PLXNB2: variants seen among roughly 807,000 people sequenced by gnomAD.
PLXNB2 encodes plexin-B2.
PLXNB2 carries 85 observed loss-of-function variants against 202.6 expected under a neutral mutation model. The ratio of observed to expected loss-of-function variants is 0.42; its 90% CI spans 0.35 to 0.50. PLXNB2 has a LOEUF of 0.50. Among genes scored for constraint, PLXNB2 ranks in the 20% least tolerant of loss-of-function variants. PLXNB2 has a pLI of 0.02. For missense variants in PLXNB2, 2,063 were observed against 2,586.2 expected (o/e 0.80, Z 4.39); for synonymous variants, 1,239 against 1,137.6 (o/e 1.09, Z -1.79).
chr22:50,280,100 G>A (rs2065882471), intron 25 of PLXNB2, 29 bp from the exon 26 acceptor site: 1 of 1,557,482 alleles, frequency 6.4e-7, no homozygotes, highest in East Asian at 2.2e-5. Flanking sequence ...CTTGTACCGA[G>A]TGACCCCGTA....
In PLXNB2 at chr22:50,286,026, C is replaced by A. The variant is rs1191705083; in HGVS notation, c.1950G>T (p.Ser650=). 1 of 1,612,274 alleles carries A rather than the reference C, an allele frequency of 6.2e-7. No individual in the cohort carries two copies. The highest frequency in any genetic ancestry group is 1.3e-5 in the African/African-American group (1 of 74,952). ...GGACGATGCCGTCCTCAGGGTTGGGCGAAGCCTCCCGGCACTCGTGGTAGC... is the reference window on the plus strand; with the variant it reads ...GGACGATGCCGTCCTCAGGGTTGGGAGAAGCCTCCCGGCACTCGTGGTAGC... ...DLRYHECREA[S]PNPEDGIVRA... Residue 650 remains serine, a synonymous_variant, in exon 10 of 37, where the codon TCG becomes TCT. Transcript: ENST00000359337.
chr22:50,279,810 G>A, intron 26 of PLXNB2, 34 bp from the exon 27 acceptor site: 1 of 1,611,814 alleles, frequency 6.2e-7, no homozygotes, highest in East Asian at 2.2e-5. Flanking sequence ...TGGGAGGTCA[G>A]GGGACTTGGG....
chr22:50,279,895 T>C, intron 26 of PLXNB2, 110 bp downstream of exon 26: 1 of 1,429,680 alleles, frequency 7.0e-7, no homozygotes, highest in Non-Finnish European at 9.7e-7. Flanking sequence ...GAAGCAAACC[T>C]GTCCAGGCAG....
chr22:50,276,430 T>TGTGGGCAC (rs1555917018), intron 35 of PLXNB2, among the ~76,000 whole-genome samples, 199 bp downstream of exon 35: 21 of 3,488 alleles, frequency 6.0e-3, no homozygotes, highest in Admixed American at 9.9e-3. Context: ...GGGCAGGGCC[T>TGTGGGCAC]GGCTCCAAGC....
intron 1 of PLXNB2, among the ~76,000 whole-genome samples, chr22:50,295,615 C>A (rs1363663600): frequency 6.6e-6 from 1 of 152,110 alleles, no homozygotes; most frequent in African/African-American, 2.4e-5. Flanking sequence ...AGGCACAGAC[C>A]CAGGGTGCTT....
rs549280202 is a variant in PLXNB2, at chr22:50,288,475, A to G, written c.1380+268T>C. Among the ~76,000 whole-genome samples, 1 of 152,276 alleles carries G rather than the reference A, an allele frequency of 6.6e-6. No homozygotes were observed. The highest frequency in any genetic ancestry group is 1.5e-5 in the Non-Finnish European group (1 of 68,004). On this transcript the variant is annotated intron_variant, in intron 5 of 36. Transcript: ENST00000359337. This position sits in a 1 kb window ranked among gnomAD's most constrained non-coding sequence, Gnocchi z 5.0. ...CAACCCAGGTCCCTTCCATCAGGAC[A>G]GGGCAGAGGCGGGGCCAGAGGGAGA...
At chr22:50,294,801 C>T (rs1415611735) in intron 1 of PLXNB2, 23 bp from the exon 2 acceptor site, 8 of 982,254 alleles carry the variant, frequency 8.1e-6, no homozygotes, top group African/African-American at 1.7e-5. Context: ...GGAGAGACGC[C>T]GGTCACAAGA....
At chr22:50,299,825 G>C (rs1445212589) in intron 1 of PLXNB2, among the ~76,000 whole-genome samples, 1 of 152,166 alleles carries the variant, frequency 6.6e-6, no homozygotes, top group Non-Finnish European at 1.5e-5. Flanking sequence ...CTGCGAGCCC[G>C]GTACCCGGCC....
chr22:50,288,029 C>T lies in PLXNB2; in HGVS notation c.1389G>A (p.Arg463=). The change falls in exon 6 of 37, where the codon CGG becomes CGA. Residue 463 remains arginine (R), a synonymous_variant. Coordinates refer to ENST00000359337, the MANE Select transcript of PLXNB2 (RefSeq NM_012401.4). This position sits in a 1 kb window ranked among gnomAD's most constrained non-coding sequence, Gnocchi z 5.0. ...LYAMTQDKVF[R]LPVQECLSYP... is the part of the protein sequence containing the mutation. ...AGCTCAGGCACTCCTGCACCGGCAGCCGGAACACCTAGGGCAGCGGGGCCG... is the reference window on the plus strand; with the variant it reads ...AGCTCAGGCACTCCTGCACCGGCAGTCGGAACACCTAGGGCAGCGGGGCCG... 6.4e-7 allele frequency: 1 copy of T among 1,558,766 alleles called. No individual in the cohort carries two copies. Among genetic ancestry groups the T allele is most frequent in the Non-Finnish European group, 8.7e-7 (1 of 1,151,962 alleles).
At chr22:50,277,443 C>A in intron 33 of PLXNB2, 148 bp downstream of exon 33, 1 of 794,250 alleles carries the variant, frequency 1.3e-6, no homozygotes. Flanking sequence ...CCCTGTGCCC[C>A]CAGCCTCCGC....
Position 50,278,162 on chromosome 22 carries a change from C to A in PLXNB2, c.4842G>T (p.Thr1614=), listed in dbSNP as rs765625516. The A allele has an allele frequency of 6.3e-7, 1 of 1,597,218 alleles. No individual in the cohort carries two copies. Among genetic ancestry groups the A allele is most frequent in the Admixed American group, 1.7e-5 (1 of 59,544 alleles). ...KRGSVKEKER[T]KAITEIYLTR... is the part of the protein sequence containing the mutation. ...TCAGGTAGATCTCGGTGATGGCCTT[C>A]GTCCGCTCCTTCTCTTTCACGCTGC... The change falls in exon 31 of 37, where the codon ACG becomes ACT. Residue 1614 remains threonine (T), a synonymous_variant. Coordinates refer to ENST00000359337, the MANE Select transcript of PLXNB2 (RefSeq NM_012401.4).
chr22:50,291,443 G>C lies in PLXNB2; in HGVS notation c.-13-846C>G, dbSNP rs2066862107. ...CTGAGCACGTCTCGGTGTGGGGTCT[G>C]TGCCTGGGTCCGGGTGGATGAGGGG... On this transcript the variant is annotated intron_variant, in intron 2 of 36. Coordinates refer to ENST00000359337, the MANE Select transcript of PLXNB2 (RefSeq NM_012401.4). The surrounding 1 kb of genome is among the most constrained non-coding windows in gnomAD (Gnocchi z 4.3). Among the ~76,000 whole-genome samples the C allele has an allele frequency of 6.6e-6, 1 of 152,138 alleles. No individual in the cohort carries two copies. The highest frequency in any genetic ancestry group is 2.4e-5 in the African/African-American group (1 of 41,422).
At position 50,301,838 on chromosome 22, in the gene PLXNB2, C is replaced by T. The variant is rs116198533; in HGVS notation, c.-74+5715G>A. 5.7e-3 allele frequency among the ~76,000 whole-genome samples: 869 copies of T among 152,380 alleles called. 7 individuals are homozygous for T. The highest frequency in any genetic ancestry group is 0.02 in the African/African-American group (830 of 41,592). On this transcript the variant is annotated intron_variant, in intron 1 of 36. Coordinates refer to ENST00000359337, the MANE Select transcript of PLXNB2 (RefSeq NM_012401.4). ...ACCCCAGCCCCGCCTCGCCCATCACCGCTGAACCCCACAATTAGCTTGGGG... is the reference window on the plus strand; with the variant it reads ...ACCCCAGCCCCGCCTCGCCCATCACTGCTGAACCCCACAATTAGCTTGGGG...
rs372277755 is a variant in PLXNB2 at position 50,284,740 on chromosome 22, C to T, written c.2089-75G>A. The T allele has an allele frequency of 9.1e-7, 1 of 1,097,936 alleles. No homozygotes were observed. The allele number at this position is 1,097,936 out of a possible 1,614,324, so 68.0% of individuals were successfully genotyped here. A position where few individuals can be genotyped will look rare whatever the true frequency, so the allele number is the denominator to read the frequency against. ...CCCTCCTCCCAGAACCCCTGCAGCC[C>T]CTCCTCTGTGCCTACAGTGTGGGAG... On this transcript the variant is annotated intron_variant, in intron 11 of 36. Transcript: ENST00000359337. The surrounding 1 kb of genome is among the most constrained non-coding windows in gnomAD (Gnocchi z 8.0).
rs2066850214 is a variant in PLXNB2, at chr22:50,291,265, T to C, written c.-13-668A>G. Among the ~76,000 whole-genome samples the C allele has an allele frequency of 6.6e-6, 1 of 152,134 alleles. No homozygotes were observed. The highest frequency in any genetic ancestry group is 1.5e-5 in the Non-Finnish European group (1 of 68,006). ...CACCCACAGCTCCTCGCTCGGCCCA[T>C]GTCACGCCCAGGGCACAGCCTCTGA... is the stretch of plus-strand genomic sequence containing the variant. On this transcript the variant is annotated intron_variant, in intron 2 of 36. Transcript: ENST00000359337. This position sits in a 1 kb window ranked among gnomAD's most constrained non-coding sequence, Gnocchi z 4.3.
In PLXNB2 at chr22:50,287,807, G is replaced by A. The variant is rs1569170976; in HGVS notation, c.1482-14C>T. 6 of 1,595,960 alleles carry A rather than the reference G, an allele frequency of 3.8e-6. No homozygotes were observed. The highest frequency in any genetic ancestry group is 1.7e-5 in the Admixed American group (1 of 59,528). On this transcript the variant is annotated splice_polypyrimidine_tract_variant and intron_variant, in intron 6 of 36. Transcript: ENST00000359337. ...TTCCGGGTGCATCTGCAGGCGCAGGGGGCGGCCTCAGCCCAGGGTGGAGTC... is the reference window on the plus strand; with the variant it reads ...TTCCGGGTGCATCTGCAGGCGCAGGAGGCGGCCTCAGCCCAGGGTGGAGTC...
rs770827429 is a variant in PLXNB2 at position 50,281,352 on chromosome 22, G to A, written c.3662+8C>T. The A allele has an allele frequency of 1.6e-5, 25 of 1,611,216 alleles. No individual in the cohort carries two copies. Among genetic ancestry groups the A allele is most frequent in the African/African-American group, 1.1e-4 (8 of 74,908 alleles). ...CAGGGTGTTGGCACAGCCGGGGGGCGGGCTCACCAGTAGCAGTAGACAGAC... is the reference window on the plus strand; with the variant it reads ...CAGGGTGTTGGCACAGCCGGGGGGCAGGCTCACCAGTAGCAGTAGACAGAC... On this transcript the variant is annotated splice_region_variant and intron_variant, in intron 22 of 36. Transcript: ENST00000359337.
chr22:50,286,641 C>A (rs923347026), intron 8 of PLXNB2, among the ~76,000 whole-genome samples: 1 of 152,208 alleles, frequency 6.6e-6, no homozygotes, highest in African/African-American at 2.4e-5. Context: ...CTGAGTGGGA[C>A]CTGCCAGGTC....
chr22:50,287,838 C>A (rs779368724), intron 6 of PLXNB2, 45 bp from the exon 7 acceptor site: 4 of 1,595,598 alleles, frequency 2.5e-6, no homozygotes, highest in South Asian at 1.1e-5. Flanking sequence ...GAGTCTTGTT[C>A]TCCCGGGACA....
Sources: gnomAD v4.1 joint callset for allele counts (sites outside exome capture counted in the v4.1 genomes callset) on GRCh38, gnomAD v4.1.1 for gene constraint, Gnocchi (gnomAD v3.1) non-coding constraint, MANE v1.5 for transcripts, NCBI Gene and HGNC (gene_info 2026-07-23, HGNC 2026-07-21) for gene names.